The following UGT3A1 variants were observed in gnomAD, a reference collection of about 807,000 sequenced individuals.
The protein encoded by UGT3A1 is UDP-glycosyltransferase 3A1.
Under a neutral mutation model 37.6 loss-of-function variants are expected in UGT3A1, and 40 were observed. That is an observed-to-expected ratio of 1.06 (90% CI 0.83 to 1.38). The LOEUF (loss-of-function observed/expected upper bound fraction) is 1.38. UGT3A1 is among the 40% of genes most tolerant of loss of function. The pLI is 0.00. For missense variants in UGT3A1, 642 were observed against 634.2 expected, an observed-to-expected ratio of 1.01 and a Z score of -0.13; for synonymous variants, 256 against 232.3, an observed-to-expected ratio of 1.10 and a Z score of -0.93.
At position 35,960,015 on chromosome 5, in the gene UGT3A1, A is replaced by T. The variant is rs111717466; in HGVS notation, c.844-2596T>A. Among the ~76,000 whole-genome samples, 859 of 152,316 alleles carry T rather than the reference A, an allele frequency of 5.6e-3. 6 individuals are homozygous for T. Among genetic ancestry groups the T allele is most frequent in the African/African-American group, 0.02 (816 of 41,560 alleles). On this transcript the variant is annotated intron_variant, in intron 4 of 6. Transcript: ENST00000274278. ...TGAAAGATTTTACATTTAAAACATG[A>T]ACATTTTGCTGAAAGAAAGTAGACA...
upstream of UGT3A1, among the ~76,000 whole-genome samples, chr5:35,993,120 A>T (rs1328179656): frequency 1.3e-5 from 2 of 152,276 alleles, no homozygotes; most frequent in East Asian, 3.9e-4. Flanking sequence ...AAAAATGCAG[A>T]TTCCCTGCAT....
intron 2 of UGT3A1, among the ~76,000 whole-genome samples, chr5:35,976,129 C>T (rs1482350245): frequency 6.6e-6 from 1 of 152,072 alleles, no homozygotes; most frequent in East Asian, 1.9e-4. Flanking sequence ...AATGTTTCCA[C>T]CAAGAGACAC....
At chr5:35,990,677 C>T (rs1311404471) in intron 1 of UGT3A1, among the ~76,000 whole-genome samples, 1 of 152,088 alleles carries the variant, frequency 6.6e-6, no homozygotes, top group African/African-American at 2.4e-5. Flanking sequence ...CCATATGCAG[C>T]TTCACAACAT....
intron 2 of UGT3A1, among the ~76,000 whole-genome samples, chr5:35,987,256 G>A (rs1398135434): frequency 6.6e-6 from 1 of 152,108 alleles, no homozygotes; most frequent in Non-Finnish European, 1.5e-5. Flanking sequence ...TACTTTCAGA[G>A]CTCTACCCAA....
intron 2 of UGT3A1, among the ~76,000 whole-genome samples, chr5:35,975,242 C>G (rs1205335920): frequency 6.6e-6 from 1 of 152,190 alleles, no homozygotes; most frequent in Non-Finnish European, 1.5e-5. Context: ...TGGACTTCCA[C>G]TCACCAAGTT....
intron 2 of UGT3A1, among the ~76,000 whole-genome samples, chr5:35,968,803 G>T (rs1427063990): frequency 6.6e-6 from 1 of 152,108 alleles, no homozygotes; most frequent in Non-Finnish European, 1.5e-5. Context: ...ATTCTCCCTT[G>T]TTACTAATGA....
At chr5:35,991,479 T>G, upstream of UGT3A1, 1 of 1,339,704 alleles carries the variant, frequency 7.5e-7, no homozygotes, top group Non-Finnish European at 9.6e-7. Flanking sequence ...CTGAAGTCAG[T>G]AGGAGGGGGT....
At position 35,961,868 on chromosome 5, in the gene UGT3A1, C is replaced by T. The variant is rs1456637451; in HGVS notation, c.843+3518G>A. On this transcript the variant is annotated intron_variant, in intron 4 of 6. Transcript: ENST00000274278. Reference sequence around the variant, plus strand: ...GATACGGGGGTATGCTTTACCAAGGCCCCTCTTAGCCTCTCCAAGAAGGCA... The same window carrying T: ...GATACGGGGGTATGCTTTACCAAGGTCCCTCTTAGCCTCTCCAAGAAGGCA... 5.3e-5 allele frequency: 8 copies of T among 152,300 alleles called. No individual in the cohort carries two copies. In the East Asian group the frequency reaches 1.3e-3, roughly 26 times the overall value. The allele number at this position is 152,300 out of a possible 1,614,324, so 9.4% of individuals were successfully genotyped here.
chr5:35,991,146 C>A lies in UGT3A1; in HGVS notation c.94+1G>T, dbSNP rs1740932901. On this transcript the variant is annotated splice_donor_variant, in intron 1 of 6. Transcript: ENST00000274278. LOFTEE classifies it high-confidence loss of function. ...TGGGAATTCTCCGGCCAAGCACTCACCCAGTGTAGATATTGTCAGGATTTT... is the reference window on the plus strand; with the variant it reads ...TGGGAATTCTCCGGCCAAGCACTCAACCAGTGTAGATATTGTCAGGATTTT... 2.5e-6 allele frequency: 4 copies of A among 1,614,132 alleles called. No homozygotes were observed. The highest frequency in any genetic ancestry group is 1.3e-5 in the African/African-American group (1 of 74,952).
upstream of UGT3A1, among the ~76,000 whole-genome samples, chr5:35,993,402 T>G (rs76384500): frequency 0.35 from 52,396 of 151,372 alleles, 10,822 homozygotes; most frequent in Non-Finnish European, 0.46. Flanking sequence ...AGGCGGAGGT[T>G]GCAGTGAGCC....
At chr5:35,967,417 A>G (rs1218988745) in intron 3 of UGT3A1, among the ~76,000 whole-genome samples, 1 of 152,188 alleles carries the variant, frequency 6.6e-6, no homozygotes, top group Non-Finnish European at 1.5e-5. Context: ...GATGAAGGAG[A>G]TTCTTTGTAT....
At chr5:35,967,866 T>C (rs569770942) in intron 3 of UGT3A1, among the ~76,000 whole-genome samples, 153 bp downstream of exon 3, 1 of 152,296 alleles carries the variant, frequency 6.6e-6, no homozygotes, top group East Asian at 1.9e-4. Context: ...CATCCATCTA[T>C]CCATTCATCC....
intron 2 of UGT3A1, among the ~76,000 whole-genome samples, chr5:35,968,957 C>T (rs1484566835): frequency 6.6e-6 from 1 of 152,198 alleles, no homozygotes; most frequent in Non-Finnish European, 1.5e-5. Context: ...TCATGTGTCT[C>T]AAACCAAAGC....
In UGT3A1 at chr5:35,954,166, G is replaced by A. The variant is rs1739261662; in HGVS notation, c.*36C>T. 1.3e-6 allele frequency: 2 copies of A among 1,599,716 alleles called. No homozygotes were observed. Among genetic ancestry groups the A allele is most frequent in the South Asian group, 2.3e-5 (2 of 88,392 alleles). ...GGTGGGGAGAACCTTCAAAGGACCAGGGATGCCCTCCCCTCACCCAAGGCT... is the reference window on the plus strand; with the variant it reads ...GGTGGGGAGAACCTTCAAAGGACCAAGGATGCCCTCCCCTCACCCAAGGCT... On this transcript the variant is annotated 3_prime_UTR_variant, in exon 7 of 7. Coordinates refer to ENST00000274278, the MANE Select transcript of UGT3A1 (RefSeq NM_152404.4).
intron 2 of UGT3A1, among the ~76,000 whole-genome samples, chr5:35,982,120 C>T (rs1299726016): frequency 6.6e-6 from 1 of 152,216 alleles, no homozygotes; most frequent in African/African-American, 2.4e-5. Context: ...ATGAAAATGC[C>T]TTCATGTCCA....
chr5:35,976,121 T>C (rs967369132), intron 2 of UGT3A1, among the ~76,000 whole-genome samples: 1 of 152,118 alleles, frequency 6.6e-6, no homozygotes, highest in Non-Finnish European at 1.5e-5. Flanking sequence ...AAGGAAGGAA[T>C]GTTTCCACCA....
chr5:35,992,927 G>A (rs1209481202), upstream of UGT3A1, among the ~76,000 whole-genome samples: 3 of 152,054 alleles, frequency 2.0e-5, no homozygotes, highest in Non-Finnish European at 4.4e-5. Context: ...TCCTAAATAA[G>A]ATGGCTACAA....
rs759394930 is a variant in UGT3A1, at chr5:35,988,551, C to T, written c.95G>A (p.Gly32Asp). ...AAKILTISTL[G>D]GSHYLLLDRV... is the part of the protein sequence containing the mutation. ...GTCCAACAGTAGGTAATGGCTTCCA[C>T]CTAGAAACAATGCACAATGTCTTTT... is the stretch of plus-strand genomic sequence containing the variant. The change falls in exon 2 of 7, where the codon GGT (glycine) becomes GAT (aspartate). Residue 32 changes from glycine (G) to aspartate (D), a missense_variant and splice_region_variant. Coordinates refer to ENST00000274278, the MANE Select transcript of UGT3A1 (RefSeq NM_152404.4). The T allele has an allele frequency of 3.7e-6, 6 of 1,607,148 alleles. No homozygotes were observed. In the Admixed American group the frequency reaches 8.4e-5, roughly 23 times the overall value.
intron 4 of UGT3A1, among the ~76,000 whole-genome samples, chr5:35,958,847 C>T (rs1471509646): frequency 1.3e-5 from 2 of 152,214 alleles, no homozygotes; most frequent in East Asian, 3.8e-4. Context: ...TGTCTGTTGG[C>T]TACTTAGTGA....
Sources: gnomAD v4.1 joint callset for allele counts (sites outside exome capture counted in the v4.1 genomes callset) on GRCh38, gnomAD v4.1.1 for gene constraint, MANE v1.5 for transcripts, NCBI Gene and HGNC (gene_info 2026-07-23, HGNC 2026-07-21) for gene names.